Variants in DCAF6 observed in about 807,000 individuals in gnomAD.
The protein encoded by DCAF6 is DDB1 and CUL4 associated factor 6, also known as DDB1- and CUL4-associated factor 6.
Under a neutral mutation model 125.1 loss-of-function variants are expected in DCAF6, and 54 were observed. The observed-to-expected ratio is 0.43, with a 90% CI of 0.35 to 0.54. DCAF6 has a LOEUF of 0.54. Among genes scored for constraint, DCAF6 ranks in the 20% least tolerant of loss-of-function variants. DCAF6 has a pLI of 0.01. For missense variants in DCAF6, 934 were observed against 1,161.7 expected (o/e 0.80, Z 2.85); for synonymous variants, 371 against 390.4 (o/e 0.95, Z 0.58).
chr1:168,042,935 G>T, intron 13 of DCAF6, 90 bp from the exon 14 acceptor site: 1 of 836,646 alleles, frequency 1.2e-6, no homozygotes, highest in African/African-American at 1.7e-5. Flanking sequence ...GAATTTTTTG[G>T]TCTACCTTTC....
chr1:168,004,550 G>C lies in DCAF6; in HGVS notation c.1135G>C (p.Asp379His), dbSNP rs749128244. Residue 379 changes from aspartate (D) to histidine (H), a missense_variant, in exon 10 of 22, where the codon GAT becomes CAT. Transcript: ENST00000367840. ...SRPRGGTSQS[D>H]ISTLPTVPSS... is the part of the protein sequence containing the mutation. ...TTTTGAAGGTGGAACAAGTCAATCA[G>C]ATATTTCAACTCTTCCTACGGTCCC... The C allele has an allele frequency of 5.6e-6, 9 of 1,612,766 alleles. No homozygotes were observed. Among genetic ancestry groups the C allele is most frequent in the Non-Finnish European group, 7.6e-6 (9 of 1,179,378 alleles).
chr1:168,003,855 C>T lies in DCAF6; in HGVS notation c.998-15C>T, dbSNP rs779357492. ...CTTATTACTAAACTCACTGATAAGA[C>T]CTATATTGTAATAGGAGAGCAGAGT... On this transcript the variant is annotated splice_polypyrimidine_tract_variant and intron_variant, in intron 8 of 21. Coordinates refer to ENST00000367840, the MANE Select transcript of DCAF6 (RefSeq NM_001198956.2). 4 of 1,605,762 alleles carry T rather than the reference C, an allele frequency of 2.5e-6. No individual in the cohort carries two copies. In the African/African-American group the frequency reaches 5.4e-5, roughly 22 times the overall value.
chr1:168,002,670 T>A, intron 8 of DCAF6, 95 bp downstream of exon 8: 1 of 960,658 alleles, frequency 1.0e-6, no homozygotes. Flanking sequence ...TATTCTGTAA[T>A]GAACATTCTT....
intron 17 of DCAF6, among the ~76,000 whole-genome samples, chr1:168,063,005 G>A (rs899885163): frequency 8.0e-5 from 12 of 150,592 alleles, no homozygotes; most frequent in African/African-American, 2.2e-4. Flanking sequence ...TCCGCCTCCC[G>A]GGTTCATGCC....
chr1:167,990,882 A>G (rs1427594494), intron 5 of DCAF6, among the ~76,000 whole-genome samples: 1 of 152,152 alleles, frequency 6.6e-6, no homozygotes, highest in Non-Finnish European at 1.5e-5. Flanking sequence ...GTTTATAAGG[A>G]AAGTCTACAA....
intron 13 of DCAF6, chr1:168,042,738 A>T: frequency 4.5e-6 from 1 of 223,436 alleles, no homozygotes; most frequent in Non-Finnish European, 8.8e-6. Context: ...TAGTTCACTT[A>T]AAATTCAATA....
At chr1:167,919,686 C>T in the DCAF6 span, among the ~76,000 whole-genome samples, 13 of 151,990 alleles carry the variant, frequency 8.6e-5, 1 homozygote, top group East Asian at 2.3e-3. Flanking sequence ...GATGGTTAAC[C>T]ATCTAAATGA....
intron 7 of DCAF6, among the ~76,000 whole-genome samples, chr1:167,997,009 C>A (rs1681822995): frequency 1.3e-5 from 2 of 152,088 alleles, no homozygotes. Flanking sequence ...GTGTTGTTTG[C>A]TCCATCGGGC....
At chr1:167,928,683 G>A in the DCAF6 span, among the ~76,000 whole-genome samples, 1 of 152,186 alleles carries the variant, frequency 6.6e-6, no homozygotes, top group Non-Finnish European at 1.5e-5. Context: ...ACAGGCTTAT[G>A]TTCTGTACAA....
the DCAF6 span, among the ~76,000 whole-genome samples, chr1:167,883,820 G>A: frequency 6.6e-6 from 1 of 152,142 alleles, no homozygotes; most frequent in Non-Finnish European, 1.5e-5. Flanking sequence ...TTCCAGTGGG[G>A]ACTTATGCAT....
intron 1 of DCAF6, among the ~76,000 whole-genome samples, chr1:167,949,962 T>A (rs1673670442): frequency 6.6e-6 from 1 of 152,206 alleles, no homozygotes; most frequent in African/African-American, 2.4e-5. Context: ...ATAAATTTTA[T>A]CTCCAAAGTC....
intron 4 of DCAF6, among the ~76,000 whole-genome samples, chr1:167,986,592 T>C (rs1476679196): frequency 6.6e-6 from 1 of 152,228 alleles, no homozygotes; most frequent in Non-Finnish European, 1.5e-5. Context: ...CTGTTATACC[T>C]CAGATCACCA....
chr1:168,016,483 T>C (rs1215744520), intron 11 of DCAF6, among the ~76,000 whole-genome samples: 1 of 152,192 alleles, frequency 6.6e-6, no homozygotes, highest in East Asian at 1.9e-4. Context: ...CTTATTCCTC[T>C]ATACGTAATC....
intron 2 of DCAF6, among the ~76,000 whole-genome samples, chr1:167,952,337 C>T (rs974749971): frequency 1.3e-5 from 2 of 152,130 alleles, no homozygotes; most frequent in East Asian, 1.9e-4. Flanking sequence ...CCTGCCTCAG[C>T]CTCCTGGGTA....
chr1:168,041,777 T>C (rs1688562336), intron 13 of DCAF6, among the ~76,000 whole-genome samples: 1 of 151,960 alleles, frequency 6.6e-6, no homozygotes, highest in Non-Finnish European at 1.5e-5. Context: ...GTTTTATTCA[T>C]GCCTGAATCA....
At chr1:167,864,895 G>GAAAA in the DCAF6 span, among the ~76,000 whole-genome samples, 100 of 129,270 alleles carry the variant, frequency 7.7e-4, no homozygotes, top group African/African-American at 2.3e-3. Context: ...TTGCTAACAG[G>GAAAA]AAAAAAAAAA....
chr1:167,865,995 C>T, the DCAF6 span, among the ~76,000 whole-genome samples: 24 of 152,246 alleles, frequency 1.6e-4, no homozygotes, highest in African/African-American at 5.8e-4. Context: ...ACTAAGTTCA[C>T]TTCATGTCTC....
At position 168,004,796 on chromosome 1, in the gene DCAF6, G is replaced by A. The variant is rs1683120618; in HGVS notation, c.1378+3G>A. The A allele has an allele frequency of 6.2e-7, 1 of 1,613,412 alleles. No homozygotes were observed. The highest frequency in any genetic ancestry group is 2.2e-5 in the East Asian group (1 of 44,874). On this transcript the variant is annotated splice_donor_region_variant and intron_variant, in intron 10 of 21. Transcript: ENST00000367840. ...ACACCACACACATCATCAGTCTGGT[G>A]AGGATAAGTATGCTGTGGTTCATCT...
intron 21 of DCAF6, among the ~76,000 whole-genome samples, chr1:168,070,172 T>C (rs1237805055): frequency 6.6e-6 from 1 of 152,176 alleles, no homozygotes; most frequent in Non-Finnish European, 1.5e-5. Flanking sequence ...CATTTCTTTT[T>C]GCCAGCAATC....
Sources: allele counts gnomAD v4.1 joint callset (sites outside exome capture counted in the v4.1 genomes callset), GRCh38; gene constraint gnomAD v4.1.1; transcripts MANE v1.5; gene names NCBI Gene and HGNC (gene_info 2026-07-23, HGNC 2026-07-21).